The following STK32A variants were observed in gnomAD, a reference collection of about 807,000 sequenced individuals.
The protein encoded by STK32A is serine/threonine-protein kinase 32A.
A neutral mutation model predicts 53.2 loss-of-function variants in STK32A; 41 were observed. That is an observed-to-expected ratio of 0.77 (90% CI 0.60 to 1.00). STK32A has a LOEUF of 1.00. Among genes scored for constraint, STK32A ranks in the 50% least tolerant of loss-of-function variants. The pLI is 0.00. For synonymous variants in STK32A, 166 were observed against 162.8 expected, an observed-to-expected ratio of 1.02 and a Z score of -0.15; for missense variants, 458 against 485.8, an observed-to-expected ratio of 0.94 and a Z score of 0.54.
At chr5:147,245,340 A>G (rs1753732321) in intron 2 of STK32A, among the ~76,000 whole-genome samples, 2 of 152,230 alleles carry the variant, frequency 1.3e-5, no homozygotes, top group Admixed American at 6.5e-5. Flanking sequence ...AATGATGCAG[A>G]AAACCATTTT....
At chr5:147,288,441 A>T (rs1421454524) in intron 4 of STK32A, among the ~76,000 whole-genome samples, 1 of 152,194 alleles carries the variant, frequency 6.6e-6, no homozygotes, top group South Asian at 2.1e-4. Context: ...CAGTTCTCAC[A>T]TTGCTATAAA....
chr5:147,384,137 G>T lies in STK32A; in HGVS notation c.*154G>T. 6.8e-7 allele frequency: 1 copy of T among 1,476,598 alleles called. No individual in the cohort carries two copies. The highest frequency in any genetic ancestry group is 8.9e-7 in the Non-Finnish European group (1 of 1,127,138). 91.5% of individuals were successfully genotyped at this position (1,476,598 alleles called of 1,614,324 possible). Reference sequence around the variant, plus strand: ...AAAAAAGGCAGCACAACACAGTGAAGGGTCCTGGGCCTGAGCTCCTGGGAT... The same window carrying T: ...AAAAAAGGCAGCACAACACAGTGAATGGTCCTGGGCCTGAGCTCCTGGGAT... On this transcript the variant is annotated 3_prime_UTR_variant, in exon 13 of 13. Transcript: ENST00000397936.
chr5:147,349,894 G>A (rs894771532), intron 6 of STK32A, among the ~76,000 whole-genome samples: 3 of 151,890 alleles, frequency 2.0e-5, no homozygotes, highest in East Asian at 1.9e-4. Flanking sequence ...AGCAGATCAC[G>A]AGGTCAAGAG....
In STK32A at chr5:147,358,732, C is replaced by A. The variant is rs1544816; in HGVS notation, c.563-2785C>A. 0.013 allele frequency among the ~76,000 whole-genome samples: 2,010 copies of A among 152,086 alleles called. 140 individuals carry two copies. The East Asian group carries it at 0.21, about 16-fold the overall frequency. ...TAATGGAATTTAATAGAATACAAGGCATAGATTTTTTTTTGCTTTGTTAGT... is the reference window on the plus strand; with the variant it reads ...TAATGGAATTTAATAGAATACAAGGAATAGATTTTTTTTTGCTTTGTTAGT... On this transcript the variant is annotated intron_variant, in intron 7 of 12. Transcript: ENST00000397936.
intron 4 of STK32A, among the ~76,000 whole-genome samples, chr5:147,320,121 C>A (rs191418352): frequency 7.9e-5 from 12 of 152,290 alleles, no homozygotes; most frequent in African/African-American, 2.9e-4. Context: ...AAAAAATGCT[C>A]ATCACAGTTA....
chr5:147,286,752 T>A (rs935238252), intron 4 of STK32A, among the ~76,000 whole-genome samples: 5 of 152,202 alleles, frequency 3.3e-5, no homozygotes, highest in African/African-American at 1.2e-4. Context: ...TCTTTTATTG[T>A]CACTAACAAA....
chr5:147,352,754 G>A (rs1581129257), intron 7 of STK32A, among the ~76,000 whole-genome samples: 3 of 152,184 alleles, frequency 2.0e-5, no homozygotes, highest in Admixed American at 6.5e-5. Flanking sequence ...AGCCTGGTTG[G>A]CCATGGAAGT....
Position 147,244,945 on chromosome 5 carries a change from T to C in STK32A, c.52+5259T>C, listed in dbSNP as rs113413993. 6.4e-3 allele frequency among the ~76,000 whole-genome samples: 980 copies of C among 152,312 alleles called. 10 individuals are homozygous for C. The highest frequency in any genetic ancestry group is 0.022 in the African/African-American group (906 of 41,572). ...TCCTAGTGTGAACTCTTTGAAGTAC[T>C]TTAAGTTCTGAGAAAAACAAAATTA... On this transcript the variant is annotated intron_variant, in intron 2 of 12. Coordinates refer to ENST00000397936, the MANE Select transcript of STK32A (RefSeq NM_001112724.2).
the STK32A span, chr5:147,400,855 A>C: frequency 6.2e-7 from 1 of 1,611,342 alleles, no homozygotes; most frequent in Non-Finnish European, 8.5e-7. Context: ...GAAAAGCTCC[A>C]CATGAACAGG....
intron 11 of STK32A, among the ~76,000 whole-genome samples, chr5:147,376,261 C>T (rs1288410794): frequency 6.6e-6 from 1 of 152,126 alleles, no homozygotes; most frequent in Non-Finnish European, 1.5e-5. Context: ...CGTCAGATTC[C>T]CTTCAGGAAA....
At chr5:147,262,919 G>C (rs909444334) in intron 2 of STK32A, among the ~76,000 whole-genome samples, 1 of 152,172 alleles carries the variant, frequency 6.6e-6, no homozygotes, top group Non-Finnish European at 1.5e-5. Context: ...AGAGGTGAAG[G>C]GGAAGAGCTA....
intron 5 of STK32A, among the ~76,000 whole-genome samples, chr5:147,327,210 C>A (rs1369954277): frequency 1.3e-5 from 2 of 152,064 alleles, no homozygotes; most frequent in South Asian, 2.1e-4. Flanking sequence ...AACTCCTGGG[C>A]CAGAGAGTGC....
chr5:147,301,798 G>C (rs1252519020), intron 4 of STK32A, among the ~76,000 whole-genome samples: 1 of 152,142 alleles, frequency 6.6e-6, no homozygotes, highest in African/African-American at 2.4e-5. Flanking sequence ...TAAAATCAAT[G>C]TGTCACCAGG....
At chr5:147,397,234 A>G in the STK32A span, among the ~76,000 whole-genome samples, 9 of 151,770 alleles carry the variant, frequency 5.9e-5, no homozygotes, top group Admixed American at 4.6e-4. Context: ...TCAGAGAAAT[A>G]AAGTTTTATT....
chr5:147,305,353 C>T (rs77591689), intron 4 of STK32A, among the ~76,000 whole-genome samples: 2,804 of 152,258 alleles, frequency 0.018, 78 homozygotes, highest in African/African-American at 0.062. Context: ...CTGCAAACAG[C>T]GCGAACTTCC....
chr5:147,347,888 C>T (rs749359502), intron 6 of STK32A, among the ~76,000 whole-genome samples: 105 of 152,288 alleles, frequency 6.9e-4, no homozygotes, highest in Middle Eastern at 3.4e-3. Context: ...GAAGTTCTGC[C>T]TTCATTGTTT....
At chr5:147,272,016 G>A (rs931574509) in intron 2 of STK32A, among the ~76,000 whole-genome samples, 17 of 152,052 alleles carry the variant, frequency 1.1e-4, no homozygotes, top group African/African-American at 2.7e-4. Flanking sequence ...TTTACAGCTC[G>A]GGGGCATCAC....
intron 2 of STK32A, among the ~76,000 whole-genome samples, chr5:147,268,735 T>C (rs1428457146): frequency 1.3e-5 from 2 of 152,172 alleles, no homozygotes; most frequent in Non-Finnish European, 2.9e-5. Context: ...ATGATTGGAA[T>C]GGCCTGAGTC....
chr5:147,379,882 C>T (rs908066765), intron 11 of STK32A, among the ~76,000 whole-genome samples: 1 of 152,046 alleles, frequency 6.6e-6, no homozygotes, highest in Non-Finnish European at 1.5e-5. Flanking sequence ...CATGTATGAC[C>T]CATTAGTCCC....
Sources: allele counts gnomAD v4.1 joint callset (sites outside exome capture counted in the v4.1 genomes callset), GRCh38; gene constraint gnomAD v4.1.1; transcripts MANE v1.5; gene names NCBI Gene and HGNC (gene_info 2026-07-23, HGNC 2026-07-21).